Variants in PXK observed in about 807,000 individuals in gnomAD.
PXK encodes the protein PX domain-containing protein kinase-like protein.
In PXK, 35 loss-of-function variants were observed where a neutral mutation model predicts 84.7. The ratio of observed to expected loss-of-function variants is 0.41; its 90% CI spans 0.32 to 0.55. The LOEUF is 0.55. PXK is among the 20% of genes least tolerant of loss of function. The probability of loss-of-function intolerance (pLI) is 0.21; values close to 1 mark genes in which losing one functional copy is unlikely to be tolerated. For synonymous variants in PXK, 253 were observed against 260.8 expected (o/e 0.97, Z 0.29); for missense variants, 634 against 699.7 (o/e 0.91, Z 1.06).
At chr3:58,380,685 C>T (rs753672101) in intron 3 of PXK, among the ~76,000 whole-genome samples, 8 of 152,104 alleles carry the variant, frequency 5.3e-5, no homozygotes, top group Non-Finnish European at 8.8e-5. Context: ...GTGGCACATG[C>T]CTGTAATCCC....
At chr3:58,382,773 T>G (rs951579119) in intron 4 of PXK, 73 bp downstream of exon 4, 2 of 1,151,910 alleles carry the variant, frequency 1.7e-6, no homozygotes, top group Admixed American at 3.0e-5. Context: ...ATAACGTATG[T>G]GGGAGAAATG....
At chr3:58,417,079 A>T (rs1207092328) in intron 17 of PXK, among the ~76,000 whole-genome samples, 1 of 152,030 alleles carries the variant, frequency 6.6e-6, no homozygotes, top group Admixed American at 6.6e-5. Flanking sequence ...TAATTTTTAA[A>T]TTTTTTGTAG....
chr3:58,387,959 T>C (rs1049833457), intron 4 of PXK, among the ~76,000 whole-genome samples: 11 of 152,078 alleles, frequency 7.2e-5, no homozygotes, highest in African/African-American at 2.7e-4. Flanking sequence ...CTGTGGGAGA[T>C]AAAGCCAGAA....
At chr3:58,378,945 C>CA (rs1040789961) in intron 3 of PXK, among the ~76,000 whole-genome samples, 6 of 150,906 alleles carry the variant, frequency 4.0e-5, no homozygotes, top group Admixed American at 1.3e-4. Flanking sequence ...GTATTTGAGA[C>CA]AGAGTTTTGC....
At chr3:58,424,086 T>C (rs540461714) in intron 17 of PXK, among the ~76,000 whole-genome samples, 1 of 152,346 alleles carries the variant, frequency 6.6e-6, no homozygotes, top group Non-Finnish European at 1.5e-5. Flanking sequence ...GAGAGACCCC[T>C]CTGCCCCCTG....
intron 3 of PXK, among the ~76,000 whole-genome samples, chr3:58,380,062 T>A (rs970117306): frequency 2.6e-5 from 4 of 151,704 alleles, no homozygotes; most frequent in African/African-American, 9.7e-5. Flanking sequence ...AATAGGAGTT[T>A]CAGTAAAAGA....
rs115371132 is a variant in PXK at position 58,343,251 on chromosome 3, G to A, written c.102+10161G>A. Among the ~76,000 whole-genome samples the A allele has an allele frequency of 4.8e-3, 737 of 152,296 alleles. 7 individuals are homozygous for A. Among genetic ancestry groups the A allele is most frequent in the African/African-American group, 0.016 (651 of 41,566 alleles). On this transcript the variant is annotated intron_variant, in intron 1 of 17. Coordinates refer to ENST00000356151, the MANE Select transcript of PXK (RefSeq NM_017771.5). ...CTCATTGCACTTTAGTCCTGCATACGTTCCTCTTGCCAGAAGTAGAGGGAA... is the reference window on the plus strand; with the variant it reads ...CTCATTGCACTTTAGTCCTGCATACATTCCTCTTGCCAGAAGTAGAGGGAA...
In PXK at chr3:58,421,664, T is replaced by G. The variant is rs949234546; in HGVS notation, c.1529-3088T>G. 2.5e-5 allele frequency: 25 copies of G among 988,126 alleles called. No homozygotes were observed. The African/African-American group carries it at 3.7e-4, about 14-fold the overall frequency. The allele number at this position is 988,126 out of a possible 1,614,324, so 61.2% of individuals were successfully genotyped here. A position where few individuals can be genotyped will look rare whatever the true frequency, so the allele number is the denominator to read the frequency against. ...GGGTTTCTGGCCTGGCATTCCTCCC[T>G]AGATCTGACCTACGCTCTCCCTGCA... is the stretch of plus-strand genomic sequence containing the variant. On this transcript the variant is annotated intron_variant, in intron 17 of 17. Transcript: ENST00000356151. The surrounding 1 kb of genome is among the most constrained non-coding windows in gnomAD (Gnocchi z 5.5).
At chr3:58,362,461 T>C (rs573283493) in intron 1 of PXK, among the ~76,000 whole-genome samples, 1 of 152,214 alleles carries the variant, frequency 6.6e-6, no homozygotes, top group Non-Finnish European at 1.5e-5. Context: ...ATACAACACA[T>C]GAATCTTAGG....
chr3:58,337,096 C>G lies in PXK; in HGVS notation c.102+4006C>G, dbSNP rs565802950. On this transcript the variant is annotated intron_variant, in intron 1 of 17. Transcript: ENST00000356151. ...AGGCGCAGGGATTACAGGTTTGAGC[C>G]ACCATGCCTGGCAGTTTTCTCCTTT... Among the ~76,000 whole-genome samples, 212 of 152,270 alleles carry G rather than the reference C, an allele frequency of 1.4e-3. 3 individuals carry two copies. The highest frequency in any genetic ancestry group is 2.0e-3 in the Non-Finnish European group (133 of 68,036).
At chr3:58,367,077 G>T (rs779709159) in intron 2 of PXK, among the ~76,000 whole-genome samples, 9 of 152,152 alleles carry the variant, frequency 5.9e-5, no homozygotes, top group African/African-American at 2.2e-4. Context: ...CAACAAAAAT[G>T]TAGACTCTTG....
chr3:58,381,717 A>G (rs79189960), intron 3 of PXK, among the ~76,000 whole-genome samples: 2,817 of 152,264 alleles, frequency 0.019, 85 homozygotes, highest in African/African-American at 0.063. Context: ...TGTGTGTGAG[A>G]TGAGGTTAGG....
At chr3:58,395,393 T>A (rs4553989) in intron 8 of PXK, among the ~76,000 whole-genome samples, 114,875 of 152,146 alleles carry the variant, frequency 0.76, 43,599 homozygotes, top group South Asian at 0.82. Flanking sequence ...ACAAAGCAGT[T>A]CTGAAGAATT....
chr3:58,419,851 T>C (rs1460954618), intron 17 of PXK, among the ~76,000 whole-genome samples: 3 of 152,234 alleles, frequency 2.0e-5, no homozygotes, highest in Non-Finnish European at 4.4e-5. Flanking sequence ...CTAGTCAGTT[T>C]AAAAGAAGAC....
In PXK at chr3:58,421,571, C is replaced by A; in HGVS notation, c.1529-3181C>A. The stretch of plus-strand genomic sequence containing the variant: ...CTCCAGCCTGGGCAACAGAGCGAGA[C>A]TCCATCTCAGAAAAAAAGGAACTGG... On this transcript the variant is annotated intron_variant, in intron 17 of 17. Transcript: ENST00000356151. The surrounding 1 kb of genome is among the most constrained non-coding windows in gnomAD (Gnocchi z 5.5). The A allele has an allele frequency of 1.0e-6, 1 of 984,360 alleles. No individual in the cohort carries two copies. The highest frequency in any genetic ancestry group is 1.2e-6 in the Non-Finnish European group (1 of 826,818). 61.0% of individuals were successfully genotyped at this position (984,360 alleles called of 1,614,324 possible). A position where few individuals can be genotyped will look rare whatever the true frequency, so the allele number is the denominator to read the frequency against.
In PXK at chr3:58,425,717, G is replaced by T. The variant is rs191814112; in HGVS notation, c.*757G>T. The T allele has an allele frequency of 9.2e-5, 14 of 152,294 alleles. No individual in the cohort carries two copies. The highest frequency in any genetic ancestry group is 7.8e-4 in the Admixed American group (12 of 15,302). The allele number at this position is 152,294 out of a possible 1,614,324, so 9.4% of individuals were successfully genotyped here. A position where few individuals can be genotyped will look rare whatever the true frequency, so the allele number is the denominator to read the frequency against. On this transcript the variant is annotated 3_prime_UTR_variant, in exon 18 of 18. Coordinates refer to ENST00000356151, the MANE Select transcript of PXK (RefSeq NM_017771.5). The stretch of plus-strand genomic sequence containing the variant: ...CTCAGCAATTAAGTTTGGGGTTTGA[G>T]GGGGGCAGGTCATTGTTACAACAGA...
At chr3:58,349,055 T>A (rs983053405) in intron 1 of PXK, among the ~76,000 whole-genome samples, 6 of 152,078 alleles carry the variant, frequency 3.9e-5, no homozygotes, top group Non-Finnish European at 7.4e-5. Flanking sequence ...TTGTGGCTAC[T>A]AGGCAGCAGA....
intron 1 of PXK, among the ~76,000 whole-genome samples, chr3:58,344,945 C>T (rs2097790537): frequency 6.6e-6 from 1 of 152,240 alleles, no homozygotes; most frequent in Non-Finnish European, 1.5e-5. Context: ...TTCAGCTCTT[C>T]CCCTCTCAGT....
At position 58,376,307 on chromosome 3, in the gene PXK, C is replaced by T. The variant is rs924747482; in HGVS notation, c.202-6207C>T. Among the ~76,000 whole-genome samples the T allele has an allele frequency of 1.4e-4, 22 of 152,014 alleles. 1 individual carries two copies. The South Asian group carries it at 2.7e-3, about 19-fold the overall frequency. On this transcript the variant is annotated intron_variant, in intron 3 of 17. Coordinates refer to ENST00000356151, the MANE Select transcript of PXK (RefSeq NM_017771.5). Reference sequence around the variant, plus strand: ...GCAGGCACCTGTAATCCCACTTACTCGGGAGGCTGAGGCAGGAGAATTACT... The same window carrying T: ...GCAGGCACCTGTAATCCCACTTACTTGGGAGGCTGAGGCAGGAGAATTACT...
Sources: allele counts gnomAD v4.1 joint callset (sites outside exome capture counted in the v4.1 genomes callset), GRCh38; gene constraint gnomAD v4.1.1; non-coding constraint Gnocchi (gnomAD v3.1); transcripts MANE v1.5; gene names NCBI Gene and HGNC (gene_info 2026-07-23, HGNC 2026-07-21).